Variants in TDRD7 observed in about 807,000 individuals in gnomAD.
TDRD7 encodes tudor domain containing 7, also known as tudor domain-containing protein 7.
Under a neutral mutation model 109.8 loss-of-function variants are expected in TDRD7, and 47 were observed. The ratio of observed to expected loss-of-function variants is 0.43; its 90% CI spans 0.34 to 0.55. The LOEUF is 0.55. Ranked by LOEUF, TDRD7 falls within the 20% of genes least tolerant of loss-of-function variation. The pLI is 0.03. For missense variants in TDRD7, 1,164 were observed against 1,319.2 expected, an observed-to-expected ratio of 0.88 and a Z score of 1.82; for synonymous variants, 424 against 457.3, an observed-to-expected ratio of 0.93 and a Z score of 0.93.
chr9:97,480,961 A>T (rs1198712405), intron 14 of TDRD7, 23 bp downstream of exon 14: 5 of 1,596,812 alleles, frequency 3.1e-6, no homozygotes, highest in Non-Finnish European at 4.3e-6. Flanking sequence ...GTTGGGCCTG[A>T]TACATTTAGA....
intron 4 of TDRD7, among the ~76,000 whole-genome samples, chr9:97,436,016 A>T (rs1828189890): frequency 1.3e-5 from 2 of 152,176 alleles, no homozygotes. Flanking sequence ...CAGTAGATTC[A>T]TGAACCCCCA....
At chr9:97,437,006 G>A (rs1233069161) in intron 4 of TDRD7, among the ~76,000 whole-genome samples, 3 of 151,926 alleles carry the variant, frequency 2.0e-5, no homozygotes, top group Admixed American at 6.6e-5. Context: ...TCCTAATTTG[G>A]TTTATTAGTT....
chr9:97,419,817 A>G (rs1261545599), intron 1 of TDRD7, among the ~76,000 whole-genome samples: 1 of 152,102 alleles, frequency 6.6e-6, no homozygotes, highest in Non-Finnish European at 1.5e-5. Context: ...TGTTTTTCCC[A>G]GTACCAGTAG....
chr9:97,485,708 C>T (rs1234230838), intron 15 of TDRD7, among the ~76,000 whole-genome samples: 1 of 152,128 alleles, frequency 6.6e-6, no homozygotes, highest in African/African-American at 2.4e-5. Context: ...CTATTATTAG[C>T]CAAGTAATGT....
chr9:97,438,773 T>C (rs1828246531), intron 4 of TDRD7, among the ~76,000 whole-genome samples: 2 of 152,204 alleles, frequency 1.3e-5, no homozygotes, highest in African/African-American at 4.8e-5. Context: ...TACCAAGATA[T>C]AATGCAAATT....
chr9:97,475,463 A>G lies in TDRD7; in HGVS notation c.2160A>G (p.Arg720=), dbSNP rs148825842. The G allele has an allele frequency of 7.4e-6, 12 of 1,610,738 alleles. No homozygotes were observed. The highest frequency in any genetic ancestry group is 1.7e-5 in the Admixed American group (1 of 59,910). The stretch of plus-strand genomic sequence containing the variant: ...TCCATTGCAAAGGAAAATGGTTACG[A>G]GTAGAGGTAAAAATCAGTCACTTGG... ...CLFHCKGKWL[R]VEITNVHSSR... is the part of the protein sequence containing the mutation. The change falls in exon 12 of 17, where the codon CGA becomes CGG. Residue 720 remains arginine, a synonymous_variant. Transcript: ENST00000355295.
chr9:97,442,653 G>A (rs1323004375), intron 6 of TDRD7, among the ~76,000 whole-genome samples: 1 of 152,208 alleles, frequency 6.6e-6, no homozygotes, highest in Non-Finnish European at 1.5e-5. Context: ...TTCTAGGCTT[G>A]TAGAATTAAA....
chr9:97,459,934 T>G lies in TDRD7; in HGVS notation c.856-244T>G, dbSNP rs1159225812. Among the ~76,000 whole-genome samples the G allele has an allele frequency of 2.0e-5, 3 of 152,236 alleles. No individual in the cohort carries two copies. In the East Asian group the frequency reaches 5.8e-4, roughly 29 times the overall value. On this transcript the variant is annotated intron_variant, in intron 6 of 16. Coordinates refer to ENST00000355295, the MANE Select transcript of TDRD7 (RefSeq NM_014290.3). ...AGCACTTGTGATTTTCTAGGGCAGC[T>G]GGAGTCTCGATGCCGCACAAATGAA...
intron 2 of TDRD7, among the ~76,000 whole-genome samples, chr9:97,429,979 GGTAACATTT>G (rs1055903338): frequency 2.0e-4 from 31 of 152,260 alleles, no homozygotes; most frequent in African/African-American, 7.2e-4. Flanking sequence ...TACTTGGGTA[GGTAACATTT>G]GTTTTTTTAA....
chr9:97,491,537 A>G (rs10817671), intron 16 of TDRD7, among the ~76,000 whole-genome samples: 68,634 of 152,032 alleles, frequency 0.45, 15,620 homozygotes, highest in Admixed American at 0.51. Context: ...AGCAGCAGCA[A>G]TGTGTGTCTG....
At chr9:97,492,660 A>G (rs1399978164) in intron 16 of TDRD7, among the ~76,000 whole-genome samples, 1 of 152,220 alleles carries the variant, frequency 6.6e-6, no homozygotes, top group Non-Finnish European at 1.5e-5. Context: ...GTACACTTAC[A>G]TCTGAAACAG....
chr9:97,478,069 C>T (rs1240117035), intron 12 of TDRD7, among the ~76,000 whole-genome samples: 1 of 151,888 alleles, frequency 6.6e-6, no homozygotes, highest in Non-Finnish European at 1.5e-5. Flanking sequence ...ACCAGCCTGG[C>T]CAACATGGTG....
chr9:97,457,549 T>C (rs1225262776), intron 6 of TDRD7, among the ~76,000 whole-genome samples: 1 of 152,076 alleles, frequency 6.6e-6, no homozygotes, highest in Non-Finnish European at 1.5e-5. Flanking sequence ...CAGCTAATAT[T>C]TTGCATTTTT....
chr9:97,459,737 A>G (rs1467920607), intron 6 of TDRD7, among the ~76,000 whole-genome samples: 1 of 152,238 alleles, frequency 6.6e-6, no homozygotes, highest in Non-Finnish European at 1.5e-5. Flanking sequence ...GGCTATTGCA[A>G]GAAGAAGAGA....
chr9:97,494,342 G>C lies in TDRD7; in HGVS notation c.3077-1321G>C, dbSNP rs887560925. On this transcript the variant is annotated intron_variant, in intron 16 of 16. Coordinates refer to ENST00000355295, the MANE Select transcript of TDRD7 (RefSeq NM_014290.3). ...CTTCATTACATCTGGCCTTGACCTG[G>C]GCATTCTTTGCATCAGTGCACCATG... Among the ~76,000 whole-genome samples, 7 of 152,290 alleles carry C rather than the reference G, an allele frequency of 4.6e-5. No individual in the cohort carries two copies. In the East Asian group the frequency reaches 7.7e-4, roughly 17 times the overall value.
chr9:97,463,203 C>G (rs1274045415), intron 7 of TDRD7, among the ~76,000 whole-genome samples: 2 of 151,928 alleles, frequency 1.3e-5, no homozygotes, highest in African/African-American at 4.8e-5. Context: ...TGCTTGAGCC[C>G]AAGAGTCCAA....
At chr9:97,491,347 T>G (rs1450061107) in intron 16 of TDRD7, among the ~76,000 whole-genome samples, 2 of 152,254 alleles carry the variant, frequency 1.3e-5, no homozygotes, top group East Asian at 3.8e-4. Flanking sequence ...TCATAGTTGT[T>G]TTAAATTCCT....
chr9:97,463,748 G>C (rs906823025), intron 7 of TDRD7, among the ~76,000 whole-genome samples: 1 of 152,164 alleles, frequency 6.6e-6, no homozygotes, highest in African/African-American at 2.4e-5. Flanking sequence ...GAAAACAGTA[G>C]CCTGTTTTGA....
rs372985955 is a variant in TDRD7 at position 97,487,277 on chromosome 9, C to T, written c.3021C>T (p.Pro1007=). The T allele has an allele frequency of 3.7e-6, 6 of 1,613,794 alleles. No homozygotes were observed. Among genetic ancestry groups the T allele is most frequent in the Non-Finnish European group, 4.2e-6 (5 of 1,179,922 alleles). ...HELVNIRKVQ[P]LVDMFRKLPF... Reference sequence around the variant, plus strand: ...TAGTCAACATAAGAAAAGTACAGCCCCTAGTGGACATGTTCCGAAAGCTGC... The same window carrying T: ...TAGTCAACATAAGAAAAGTACAGCCTCTAGTGGACATGTTCCGAAAGCTGC... The change falls in exon 16 of 17, where the codon CCC becomes CCT. Residue 1007 remains proline, a synonymous_variant. Coordinates refer to ENST00000355295, the MANE Select transcript of TDRD7 (RefSeq NM_014290.3).
Sources: allele counts gnomAD v4.1 joint callset (sites outside exome capture counted in the v4.1 genomes callset), GRCh38; gene constraint gnomAD v4.1.1; transcripts MANE v1.5; gene names NCBI Gene and HGNC (gene_info 2026-07-23, HGNC 2026-07-21).